Variants in FBXL4 observed in about 807,000 individuals in gnomAD.
FBXL4 encodes F-box/LRR-repeat protein 4.
FBXL4 carries 40 observed loss-of-function variants against 58.9 expected under a neutral mutation model. That is an observed-to-expected ratio of 0.68 (90% CI 0.53 to 0.88). The LOEUF is 0.88. Ranked by LOEUF, FBXL4 falls within the 40% of genes least tolerant of loss-of-function variation. The pLI is 0.00. For missense variants in FBXL4, 676 were observed against 734.4 expected, an observed-to-expected ratio of 0.92 and a Z score of 0.92; for synonymous variants, 263 against 265.5, an observed-to-expected ratio of 0.99 and a Z score of 0.09.
At chr6:98,947,192 G>C (rs921808256) in intron 1 of FBXL4, among the ~76,000 whole-genome samples, 3 of 152,214 alleles carry the variant, frequency 2.0e-5, no homozygotes, top group African/African-American at 7.2e-5. Flanking sequence ...TTGTGGCAAT[G>C]ATTACTGGGA....
chr6:98,896,203 C>T (rs1405045467), intron 7 of FBXL4, among the ~76,000 whole-genome samples: 4 of 152,138 alleles, frequency 2.6e-5, no homozygotes, highest in African/African-American at 7.2e-5. Flanking sequence ...AGAGACCAGT[C>T]TCCTACACCT....
intron 8 of FBXL4, among the ~76,000 whole-genome samples, chr6:98,880,327 C>T (rs1037382113): frequency 2.6e-5 from 4 of 152,132 alleles, no homozygotes; most frequent in African/African-American, 9.7e-5. Context: ...CTCTATTCCA[C>T]CACACTATAC....
Position 98,890,448 on chromosome 6 carries a change from T to C in FBXL4, c.1317+8820A>G, listed in dbSNP as rs142757326. Among the ~76,000 whole-genome samples the C allele has an allele frequency of 3.4e-3, 513 of 152,310 alleles. 3 individuals are homozygous for C. The highest frequency in any genetic ancestry group is 0.011 in the African/African-American group (463 of 41,576). ...GGTGGTGAAATTTTATAAAAGTATA[T>C]TCACTAAATGAAAATTCATAAATTT... On this transcript the variant is annotated intron_variant, in intron 7 of 9. Coordinates refer to ENST00000369244, the MANE Select transcript of FBXL4 (RefSeq NM_001278716.2).
intron 5 of FBXL4, among the ~76,000 whole-genome samples, chr6:98,909,419 A>G (rs1042561326): frequency 6.6e-6 from 1 of 152,080 alleles, no homozygotes; most frequent in East Asian, 1.9e-4. Flanking sequence ...CTTTGGTCAC[A>G]CTGAAATACT....
intron 7 of FBXL4, among the ~76,000 whole-genome samples, chr6:98,884,985 C>T (rs1191862450): frequency 1.3e-5 from 2 of 152,208 alleles, no homozygotes; most frequent in African/African-American, 4.8e-5. Context: ...TCACTTTTAA[C>T]AAACAGTATA....
At chr6:98,884,410 T>A (rs959921804) in intron 7 of FBXL4, among the ~76,000 whole-genome samples, 82 of 152,124 alleles carry the variant, frequency 5.4e-4, no homozygotes, top group Non-Finnish European at 9.0e-4. Flanking sequence ...AATCTTTTTT[T>A]AAAATAAATT....
chr6:98,944,929 GTC>G (rs201981649), intron 1 of FBXL4, among the ~76,000 whole-genome samples: 2,529 of 152,216 alleles, frequency 0.017, 42 homozygotes, highest in South Asian at 0.056. Flanking sequence ...GTTGTGCTTT[GTC>G]TCTGAGTCAG....
At chr6:98,923,774 T>G (rs757538026) in intron 4 of FBXL4, among the ~76,000 whole-genome samples, 8 of 152,198 alleles carry the variant, frequency 5.3e-5, no homozygotes, top group Non-Finnish European at 1.2e-4. Context: ...TCTGATTGTA[T>G]AAAAAATTCA....
chr6:98,884,183 A>G lies in FBXL4; in HGVS notation c.1318-3559T>C, dbSNP rs191328331. 8.7e-4 allele frequency among the ~76,000 whole-genome samples: 133 copies of G among 152,166 alleles called. 3 individuals carry two copies. The highest frequency in any genetic ancestry group is 1.2e-3 in the Admixed American group (18 of 15,290). ...CAGGTAGCATTGCTGTAAATTCTTT[A>G]TATATATAAATCCTCACAACAATCC... On this transcript the variant is annotated intron_variant, in intron 7 of 9. Transcript: ENST00000369244.
intron 5 of FBXL4, among the ~76,000 whole-genome samples, chr6:98,912,877 C>A (rs183990109): frequency 7.9e-5 from 12 of 152,018 alleles, no homozygotes; most frequent in South Asian, 2.1e-4. Context: ...AAGACACAGA[C>A]TGGCAAATTG....
chr6:98,927,813 A>G lies in FBXL4; in HGVS notation c.-181T>C, dbSNP rs1194976079. The G allele has an allele frequency of 6.6e-6, 1 of 152,232 alleles. No homozygotes were observed. Among genetic ancestry groups the G allele is most frequent in the Admixed American group, 6.5e-5 (1 of 15,288 alleles). The allele number at this position is 152,232 out of a possible 1,614,324, so 9.4% of individuals were successfully genotyped here. ...TCAGGTACAAATGCTGACATGTGACATTCTTTTACCTGTAAGAAAAGAGTT... is the reference window on the plus strand; with the variant it reads ...TCAGGTACAAATGCTGACATGTGACGTTCTTTTACCTGTAAGAAAAGAGTT... On this transcript the variant is annotated 5_prime_UTR_variant, in exon 3 of 10. It removes an upstream start codon present in the reference 5' UTR. Coordinates refer to ENST00000369244, the MANE Select transcript of FBXL4 (RefSeq NM_001278716.2).
chr6:98,934,354 G>A (rs924154029), intron 2 of FBXL4, among the ~76,000 whole-genome samples: 1 of 151,094 alleles, frequency 6.6e-6, no homozygotes, highest in African/African-American at 2.4e-5. Context: ...AGCCAAGATC[G>A]CACCACTGCA....
At chr6:98,911,951 C>G (rs1772094867) in intron 5 of FBXL4, among the ~76,000 whole-genome samples, 1 of 152,114 alleles carries the variant, frequency 6.6e-6, no homozygotes, top group African/African-American at 2.4e-5. Flanking sequence ...AAATGTATAA[C>G]TAGAATAACC....
At chr6:98,884,269 G>A (rs1011138397) in intron 7 of FBXL4, among the ~76,000 whole-genome samples, 2 of 151,970 alleles carry the variant, frequency 1.3e-5, no homozygotes, top group African/African-American at 4.8e-5. Context: ...GTTAGGCACC[G>A]TTTAGGCACT....
At chr6:98,898,331 A>G (rs1284213896) in intron 7 of FBXL4, 4 of 985,360 alleles carry the variant, frequency 4.1e-6, no homozygotes, top group Non-Finnish European at 4.8e-6. Context: ...ACAGGGGCCC[A>G]GGTACATACT....
chr6:98,893,848 T>G (rs1201140911), intron 7 of FBXL4, among the ~76,000 whole-genome samples: 1 of 152,226 alleles, frequency 6.6e-6, no homozygotes, highest in Non-Finnish European at 1.5e-5. Context: ...AAAAGTTTTT[T>G]TCAAGTATTT....
chr6:98,938,982 G>A lies in FBXL4; in HGVS notation c.-308-4103C>T, dbSNP rs188131691. On this transcript the variant is annotated intron_variant, in intron 1 of 9. Transcript: ENST00000369244. ...GTGCACCTGTAATCCTAGCTATTTG[G>A]GAGGACTGTTTCCACCTCAGGAGGC... 4.0e-5 allele frequency among the ~76,000 whole-genome samples: 6 copies of A among 150,744 alleles called. No individual in the cohort carries two copies. The East Asian group carries it at 1.2e-3, about 30-fold the overall frequency.
chr6:98,925,260 C>T (rs947690724), intron 4 of FBXL4, among the ~76,000 whole-genome samples: 2 of 152,190 alleles, frequency 1.3e-5, no homozygotes, highest in South Asian at 2.1e-4. Flanking sequence ...ACTCTGTAGG[C>T]GAGGCTTTGG....
chr6:98,876,952 A>C (rs1028459364), intron 8 of FBXL4, among the ~76,000 whole-genome samples: 2 of 152,152 alleles, frequency 1.3e-5, no homozygotes, highest in Non-Finnish European at 2.9e-5. Context: ...TTACATAAAA[A>C]CTGACACAAA....
Sources: gnomAD v4.1 joint callset for allele counts (sites outside exome capture counted in the v4.1 genomes callset) on GRCh38, gnomAD v4.1.1 for gene constraint, MANE v1.5 for transcripts, NCBI Gene and HGNC (gene_info 2026-07-23, HGNC 2026-07-21) for gene names.